The following SLC38A3 variants were observed in gnomAD, a reference collection of about 807,000 sequenced individuals.
SLC38A3 encodes the protein sodium-coupled neutral amino acid transporter 3.
Under a neutral mutation model 59.5 loss-of-function variants are expected in SLC38A3, and 17 were observed. The observed-to-expected ratio is 0.29, with a 90% confidence interval of 0.20 to 0.43. The LOEUF (loss-of-function observed/expected upper bound fraction) is 0.43, where lower values mean the gene tolerates loss of function less well. SLC38A3 is among the 20% of genes least tolerant of loss of function. SLC38A3 has a pLI of 1.00. For missense variants in SLC38A3, 454 were observed against 653.9 expected (o/e 0.69, Z 3.33); for synonymous variants, 238 against 260.3 (o/e 0.91, Z 0.82).
Position 50,218,427 on chromosome 3 carries a change from G to T in SLC38A3, c.1036+57G>T. ...CTAGGCTGGGGGGAAGGGGCTGGTT[G>T]TGGCCATGGTGCCCTCCATACCGAG... On this transcript the variant is annotated intron_variant, in intron 12 of 15. Transcript: ENST00000614032. This position sits in a 1 kb window ranked among gnomAD's most constrained non-coding sequence, Gnocchi z 5.8. 1.3e-6 allele frequency: 2 copies of T among 1,524,926 alleles called. No individual in the cohort carries two copies. The highest frequency in any genetic ancestry group is 1.8e-6 in the Non-Finnish European group (2 of 1,099,440). The allele number at this position is 1,524,926 out of a possible 1,614,324, so 94.5% of individuals were successfully genotyped here. A position where few individuals can be genotyped will look rare whatever the true frequency, so the allele number is the denominator to read the frequency against.
chr3:50,215,688 C>G lies in SLC38A3; in HGVS notation c.466+52C>G. The G allele has an allele frequency of 6.2e-7, 1 of 1,610,662 alleles. No homozygotes were observed. On this transcript the variant is annotated intron_variant, in intron 6 of 15. Transcript: ENST00000614032. This position sits in a 1 kb window ranked among gnomAD's most constrained non-coding sequence, Gnocchi z 7.1. ...GTAGGGAGGTGGACAGCCCTGAAAG[C>G]TGGCTGGTTGGGCTGACCTCAGCGC...
chr3:50,211,781 T>C (rs1699734468), intron 1 of SLC38A3, among the ~76,000 whole-genome samples: 1 of 151,936 alleles, frequency 6.6e-6, no homozygotes, highest in Non-Finnish European at 1.5e-5. Flanking sequence ...GAGATGGGGT[T>C]TTTCCATGTT....
chr3:50,211,810 C>T (rs1435661701), intron 1 of SLC38A3, among the ~76,000 whole-genome samples: 1 of 152,068 alleles, frequency 6.6e-6, no homozygotes, highest in Non-Finnish European at 1.5e-5. Context: ...TAGTCTCAAA[C>T]TCCTGACCTC....
intron 1 of SLC38A3, chr3:50,207,668 C>A (rs1699665286): frequency 6.6e-6 from 1 of 152,234 alleles, no homozygotes; most frequent in Non-Finnish European, 1.5e-5. Flanking sequence ...CCGGGGTACA[C>A]TCTTGTCTAG....
Position 50,218,892 on chromosome 3 carries a change from G to T in SLC38A3, c.1250G>T (p.Cys417Phe). The change falls in exon 14 of 16, where the codon TGT (cysteine) becomes TTT (phenylalanine). Residue 417 changes from cysteine to phenylalanine, a missense_variant. Around this residue, in one of 3 missense-constraint regions of SLC38A3, gnomAD observed 390 missense variants for 557.9 expected, o/e 0.70. Coordinates refer to ENST00000614032, the MANE Select transcript of SLC38A3 (RefSeq NM_006841.6). The surrounding 1 kb of genome is among the most constrained non-coding windows in gnomAD (Gnocchi z 5.8). ...CTTATTGCCGTTGGCCTGCTCACTT[G>T]TATCAACCTGCTGGTCATCTTTGCC... is the stretch of plus-strand genomic sequence containing the variant. ...HVLIAVGLLT[C>F]INLLVIFAPN... 1 of 1,613,636 alleles carries T rather than the reference G, an allele frequency of 6.2e-7. No homozygotes were observed. The highest frequency in any genetic ancestry group is 8.5e-7 in the Non-Finnish European group (1 of 1,179,596).
At chr3:50,209,421 G>A (rs960276120) in intron 1 of SLC38A3, among the ~76,000 whole-genome samples, 1 of 152,170 alleles carries the variant, frequency 6.6e-6, no homozygotes, top group African/African-American at 2.4e-5. Context: ...GGCCAAGGTG[G>A]GTGGATCACG....
At chr3:50,211,769 T>C (rs1699734140) in intron 1 of SLC38A3, among the ~76,000 whole-genome samples, 1 of 151,980 alleles carries the variant, frequency 6.6e-6, no homozygotes, top group Non-Finnish European at 1.5e-5. Context: ...GTATTTTTAG[T>C]AGAGATGGGG....
chr3:50,220,017 TG>T, intron 15 of SLC38A3, 33 bp downstream of exon 15: 1 of 1,604,202 alleles, frequency 6.2e-7, no homozygotes, highest in Non-Finnish European at 8.5e-7. Flanking sequence ...TGGGCTGGTA[TG>T]GGGCTAAGGG....
rs1038264962 is a variant in SLC38A3, at chr3:50,218,062, G to C, written c.935+66G>C. On this transcript the variant is annotated intron_variant, in intron 11 of 15. Coordinates refer to ENST00000614032, the MANE Select transcript of SLC38A3 (RefSeq NM_006841.6). This position sits in a 1 kb window ranked among gnomAD's most constrained non-coding sequence, Gnocchi z 5.8. Reference sequence around the variant, plus strand: ...AGCTGGTTTGGGGAGAATGGATGTGGTCCTGAATGTGGAGAGGGGAGTGAC... The same window carrying C: ...AGCTGGTTTGGGGAGAATGGATGTGCTCCTGAATGTGGAGAGGGGAGTGAC... The C allele has an allele frequency of 2.7e-6, 4 of 1,495,124 alleles. No individual in the cohort carries two copies. The highest frequency in any genetic ancestry group is 2.8e-5 in the African/African-American group (2 of 72,442). 92.6% of individuals were successfully genotyped at this position (1,495,124 alleles called of 1,614,324 possible). A position where few individuals can be genotyped will look rare whatever the true frequency, so the allele number is the denominator to read the frequency against.
At chr3:50,207,947 C>G (rs896037658) in intron 1 of SLC38A3, 4 of 152,384 alleles carry the variant, frequency 2.6e-5, no homozygotes, top group Non-Finnish European at 5.9e-5. Flanking sequence ...ATCATCTCCA[C>G]ATGTATTTTC....
Position 50,214,922 on chromosome 3 carries a change from C to T in SLC38A3, c.299+154C>T. On this transcript the variant is annotated intron_variant, in intron 4 of 15. Coordinates refer to ENST00000614032, the MANE Select transcript of SLC38A3 (RefSeq NM_006841.6). This position sits in a 1 kb window ranked among gnomAD's most constrained non-coding sequence, Gnocchi z 6.0. ...AAACCGCGGCTGAAAAAAACATCCA[C>T]AGCCAAACAAATATACCTCACTGCC... is the stretch of plus-strand genomic sequence containing the variant. 1.5e-6 allele frequency: 1 copy of T among 654,296 alleles called. No homozygotes were observed. The highest frequency in any genetic ancestry group is 2.7e-6 in the Non-Finnish European group (1 of 368,566). 40.5% of individuals were successfully genotyped at this position (654,296 alleles called of 1,614,324 possible).
rs375075978 is a variant in SLC38A3 at position 50,217,668 on chromosome 3, C to A, written c.691-8C>A. The A allele has an allele frequency of 1.9e-6, 3 of 1,613,756 alleles. No individual in the cohort carries two copies. Among genetic ancestry groups the A allele is most frequent in the South Asian group, 1.1e-5 (1 of 91,030 alleles). On this transcript the variant is annotated splice_region_variant and splice_polypyrimidine_tract_variant and intron_variant, in intron 9 of 15. Transcript: ENST00000614032. This position sits in a 1 kb window ranked among gnomAD's most constrained non-coding sequence, Gnocchi z 4.9. ...AGTCTCTGACACCCTCATCCCTCCC[C>A]ACTCCAGGTCATCTACAAAAAGTTC...
At chr3:50,209,782 C>A (rs972875757) in intron 1 of SLC38A3, among the ~76,000 whole-genome samples, 1 of 152,170 alleles carries the variant, frequency 6.6e-6, no homozygotes, top group African/African-American at 2.4e-5. Flanking sequence ...GACCCTAGAT[C>A]CCAAGGCCAG....
rs1249054614 is a variant in SLC38A3, at chr3:50,215,826, G to A, written c.548+5G>A. ...GAACCTGGAGGAGAAAACCTCGTGA[G>A]CCCTGGCGTGGGGAGGGGAGGGGAG... On this transcript the variant is annotated splice_donor_5th_base_variant and intron_variant, in intron 7 of 15. Coordinates refer to ENST00000614032, the MANE Select transcript of SLC38A3 (RefSeq NM_006841.6). The surrounding 1 kb of genome is among the most constrained non-coding windows in gnomAD (Gnocchi z 7.1). The A allele has an allele frequency of 6.4e-7, 1 of 1,556,482 alleles. No individual in the cohort carries two copies. Among genetic ancestry groups the A allele is most frequent in the Non-Finnish European group, 8.7e-7 (1 of 1,149,376 alleles).
chr3:50,205,458 C>G (rs565287233), intron 1 of SLC38A3, 110 bp downstream of exon 1: 1 of 152,568 alleles, frequency 6.6e-6, no homozygotes, highest in African/African-American at 2.4e-5. Flanking sequence ...CTCTACCGTC[C>G]TGACCCGGGC....
intron 1 of SLC38A3, chr3:50,207,759 G>T (rs62260791): frequency 1.3e-5 from 2 of 152,368 alleles, no homozygotes; most frequent in African/African-American, 4.8e-5. Flanking sequence ...ACCAGGCGGG[G>T]CTTCTGGGGG....
chr3:50,219,990 A>T lies in SLC38A3; in HGVS notation c.1410+6A>T. Reference sequence around the variant, plus strand: ...GATCCACCCCCAAAATCCTGGTGCGAGGGGCCTGGAGGCCGGTGGGCTGGT... The same window carrying T: ...GATCCACCCCCAAAATCCTGGTGCGTGGGGCCTGGAGGCCGGTGGGCTGGT... On this transcript the variant is annotated splice_donor_region_variant and intron_variant, in intron 15 of 15. Coordinates refer to ENST00000614032, the MANE Select transcript of SLC38A3 (RefSeq NM_006841.6). The T allele has an allele frequency of 6.2e-7, 1 of 1,609,628 alleles. No individual in the cohort carries two copies.
chr3:50,214,711 G>A lies in SLC38A3; in HGVS notation c.242G>A (p.Gly81Asp). ...SVFNLSNAIM[G>D]SGILGLAYAM... The stretch of plus-strand genomic sequence containing the variant: ...TTCAACCTCAGCAATGCCATCATGG[G>A]CAGCGGCATCCTGGGACTCGCCTAT... The change falls in exon 4 of 16, where the codon GGC (glycine) becomes GAC (aspartate). Residue 81 changes from glycine (G) to aspartate (D), a missense_variant. By Grantham distance (94) the Gly-to-Asp change is moderately conservative. Around this residue, in one of 3 missense-constraint regions of SLC38A3, gnomAD observed 390 missense variants for 557.9 expected, o/e 0.70. Transcript: ENST00000614032. This position sits in a 1 kb window ranked among gnomAD's most constrained non-coding sequence, Gnocchi z 6.0. The A allele has an allele frequency of 6.2e-7, 1 of 1,613,764 alleles. No individual in the cohort carries two copies. Among genetic ancestry groups the A allele is most frequent in the Non-Finnish European group, 8.5e-7 (1 of 1,179,836 alleles).
At position 50,214,280 on chromosome 3, in the gene SLC38A3, C is replaced by T; in HGVS notation, c.81C>T (p.Thr27=). Residue 27 remains threonine (T), a synonymous_variant, in exon 2 of 16, where the codon ACC becomes ACT. Transcript: ENST00000614032. This position sits in a 1 kb window ranked among gnomAD's most constrained non-coding sequence, Gnocchi z 6.0. The stretch of plus-strand genomic sequence containing the variant: ...CAGAGGGGCTGCTCCCGGTCATCAC[C>T]CCCATGGCAGGCAACCAGAGGTGAG... The part of the protein sequence containing the change: ...KHSEGLLPVI[T]PMAGNQRVED... 1.1e-5 allele frequency: 17 copies of T among 1,613,916 alleles called. No individual in the cohort carries two copies. Among genetic ancestry groups the T allele is most frequent in the Non-Finnish European group, 1.4e-5 (17 of 1,179,852 alleles).
Sources: gnomAD v4.1 joint callset for allele counts (sites outside exome capture counted in the v4.1 genomes callset) on GRCh38, gnomAD v4.1.1 for gene constraint, gnomAD v4.1.1 regional missense constraint, Gnocchi (gnomAD v3.1) non-coding constraint, MANE v1.5 for transcripts, NCBI Gene and HGNC (gene_info 2026-07-23, HGNC 2026-07-21) for gene names.